Variants in GPSM2 observed in about 807,000 individuals in gnomAD.
GPSM2 encodes the protein G protein signaling modulator 2.
GPSM2 carries 58 observed loss-of-function variants against 78.4 expected under a neutral mutation model. The observed-to-expected ratio is 0.74, with a 90% CI of 0.60 to 0.92. The LOEUF (loss-of-function observed/expected upper bound fraction) is 0.92, where lower values mean the gene tolerates loss of function less well. Among genes scored for constraint, GPSM2 ranks in the 40% least tolerant of loss-of-function variants. The pLI, the probability that GPSM2 is intolerant of heterozygous loss-of-function variation, is 0.00. For missense variants in GPSM2, 700 were observed against 815.5 expected (o/e 0.86, Z 1.73); for synonymous variants, 224 against 280.2 (o/e 0.80, Z 2.00).
chr1:108,887,765 C>A (rs982751285), intron 2 of GPSM2, among the ~76,000 whole-genome samples: 1 of 152,160 alleles, frequency 6.6e-6, no homozygotes, highest in African/African-American at 2.4e-5. Flanking sequence ...TGCAGCCTAC[C>A]CCCATCCGTG....
chr1:108,933,608 C>T lies in GPSM2; in HGVS notation c.*3668C>T, dbSNP rs939506665. 4 of 152,342 alleles carry T rather than the reference C, an allele frequency of 2.6e-5. No individual in the cohort carries two copies. Among genetic ancestry groups the T allele is most frequent in the Admixed American group, 6.5e-5 (1 of 15,304 alleles). 9.4% of individuals were successfully genotyped at this position (152,342 alleles called of 1,614,324 possible). The stretch of plus-strand genomic sequence containing the variant: ...GTATCACTTTTAGTAAGCAGTTGAA[C>T]ATAACTTGTAGTGTGAATATGGTTA... On this transcript the variant is annotated 3_prime_UTR_variant, in exon 15 of 15. Coordinates refer to ENST00000264126, the MANE Select transcript of GPSM2 (RefSeq NM_013296.5).
At chr1:108,900,536 G>A (rs907322647) in intron 7 of GPSM2, among the ~76,000 whole-genome samples, 2 of 152,132 alleles carry the variant, frequency 1.3e-5, no homozygotes, top group African/African-American at 4.8e-5. Context: ...ACCACACCCA[G>A]CCTGGAATTG....
intron 11 of GPSM2, among the ~76,000 whole-genome samples, chr1:108,918,356 CCTTG>C (rs1650439760): frequency 6.6e-6 from 1 of 152,064 alleles, no homozygotes; most frequent in African/African-American, 2.4e-5. Flanking sequence ...TTTTGGTAAA[CCTTG>C]CTTTCTTATT....
intron 1 of GPSM2, among the ~76,000 whole-genome samples, chr1:108,878,395 T>C (rs1279567887): frequency 6.6e-6 from 1 of 152,092 alleles, no homozygotes; most frequent in East Asian, 1.9e-4. Flanking sequence ...AAGTAAAAAG[T>C]TGTGTGATGT....
intron 11 of GPSM2, among the ~76,000 whole-genome samples, chr1:108,917,616 ATATATATAT>A (rs1650349010): frequency 2.6e-4 from 1 of 3,900 alleles, no homozygotes; most frequent in Admixed American, 2.0e-3. Context: ...ACACACATAT[ATATATATAT>A]ATATATATAT....
At chr1:108,904,385 G>A in intron 10 of GPSM2, 131 bp downstream of exon 10, 1 of 464,358 alleles carries the variant, frequency 2.2e-6, no homozygotes, top group Non-Finnish European at 3.9e-6. Context: ...CTTTTTTGCT[G>A]TACACAGCTC....
chr1:108,906,972 A>G (rs180806606), intron 10 of GPSM2, among the ~76,000 whole-genome samples: 7 of 152,276 alleles, frequency 4.6e-5, no homozygotes, highest in Middle Eastern at 6.8e-3. Flanking sequence ...CTCCTTTAGA[A>G]TATACGTCGT....
Position 108,930,062 on chromosome 1 carries a change from A to G in GPSM2, c.*122A>G, listed in dbSNP as rs1651659027. On this transcript the variant is annotated 3_prime_UTR_variant, in exon 15 of 15. Transcript: ENST00000264126. The stretch of plus-strand genomic sequence containing the variant: ...TTAAAATATTTTTAGAATGATGTAA[A>G]TAGTTAACCTTCAGTAGTCTATTAA... The G allele has an allele frequency of 2.2e-6, 2 of 917,294 alleles. No homozygotes were observed. The highest frequency in any genetic ancestry group is 3.3e-6 in the Non-Finnish European group (2 of 598,462). The allele number at this position is 917,294 out of a possible 1,614,324, so 56.8% of individuals were successfully genotyped here.
intron 7 of GPSM2, among the ~76,000 whole-genome samples, chr1:108,899,474 C>G (rs1017821301): frequency 2.6e-5 from 4 of 152,186 alleles, no homozygotes; most frequent in African/African-American, 9.7e-5. Flanking sequence ...CCTTCCCACC[C>G]TCTTATTGAG....
intron 10 of GPSM2, among the ~76,000 whole-genome samples, chr1:108,910,649 G>A (rs916352230): frequency 6.6e-6 from 1 of 152,100 alleles, no homozygotes; most frequent in Non-Finnish European, 1.5e-5. Context: ...CGGATCATGA[G>A]GTCAGGAGTT....
chr1:108,928,526 G>A (rs997818150), intron 14 of GPSM2, among the ~76,000 whole-genome samples: 2 of 152,166 alleles, frequency 1.3e-5, no homozygotes, highest in African/African-American at 4.8e-5. Flanking sequence ...AAATGTTCAG[G>A]GATCTATGTC....
intron 14 of GPSM2, chr1:108,929,364 C>T: frequency 3.2e-6 from 1 of 308,894 alleles, no homozygotes; most frequent in South Asian, 3.3e-5. Context: ...CTTGAACTGT[C>T]ATACTTAGAT....
intron 7 of GPSM2, among the ~76,000 whole-genome samples, chr1:108,900,131 A>C (rs1648669936): frequency 6.6e-6 from 1 of 152,160 alleles, no homozygotes. Flanking sequence ...AATATAAAGT[A>C]ATGAAACTTA....
chr1:108,897,373 T>C (rs1648449099), intron 3 of GPSM2, 119 bp from the exon 4 acceptor site: 1 of 957,286 alleles, frequency 1.0e-6, no homozygotes, highest in East Asian at 2.6e-5. Context: ...GGGTTTTTCT[T>C]ACCTTAAGCA....
In GPSM2 at chr1:108,922,559, C is replaced by T; in HGVS notation, c.1583C>T (p.Pro528Leu). 6.2e-7 allele frequency: 1 copy of T among 1,612,394 alleles called. No individual in the cohort carries two copies. Among genetic ancestry groups the T allele is most frequent in the Non-Finnish European group, 8.5e-7 (1 of 1,178,582 alleles). Residue 528 changes from proline to leucine, a missense_variant, in exon 13 of 15, where the codon CCT becomes CTT. Transcript: ENST00000264126. ...TASTTTSSTP[P>L]KMMLKTSSVP... ...TCAACAACAACTTCTTCCACTCCCC[C>T]TAAAATGATGCTAAAAAGTAAGTCA...
chr1:108,887,247 A>AT lies in GPSM2; in HGVS notation c.56+1678dup, dbSNP rs201347203. Among the ~76,000 whole-genome samples the AT allele has an allele frequency of 9.9e-3, 1,504 of 151,894 alleles. 21 individuals are homozygous for AT. The highest frequency in any genetic ancestry group is 0.034 in the African/African-American group (1,425 of 41,454). On this transcript the variant is annotated intron_variant, in intron 2 of 14. Coordinates refer to ENST00000264126, the MANE Select transcript of GPSM2 (RefSeq NM_013296.5). ...TCTGAAATGTTGGCAGCTAATGCAAATTTTTTTTTAAAAATGTGGGTTGAA... is the reference window on the plus strand; with the variant it reads ...TCTGAAATGTTGGCAGCTAATGCAAATTTTTTTTTTAAAAATGTGGGTTGAA...
intron 11 of GPSM2, 89 bp downstream of exon 11, chr1:108,914,497 C>A: frequency 1.0e-6 from 1 of 987,970 alleles, no homozygotes; most frequent in Non-Finnish European, 1.6e-6. Context: ...TTAAATAAGG[C>A]TTGCCCTATA....
chr1:108,915,467 G>A (rs2101509480), intron 11 of GPSM2, among the ~76,000 whole-genome samples: 1 of 148,682 alleles, frequency 6.7e-6, no homozygotes, highest in African/African-American at 2.5e-5. Flanking sequence ...TCGCTCTTTG[G>A]CCAGGCTGGA....
Position 108,917,628 on chromosome 1 carries a change from AT to A in GPSM2, c.1264-984del, listed in dbSNP as rs1557875637. ...CACACACACATATATATATATATATATATATATATATATATATATATATATA... is the reference window on the plus strand; with the variant it reads ...CACACACACATATATATATATATATAATATATATATATATATATATATATA... On this transcript the variant is annotated intron_variant, in intron 11 of 14. Transcript: ENST00000264126. Among the ~76,000 whole-genome samples the A allele has an allele frequency of 5.0e-3, 75 of 15,118 alleles. 8 individuals are homozygous for A. The highest frequency in any genetic ancestry group is 0.018 in the African/African-American group (43 of 2,410). The allele number at this position is 15,118 out of a possible 152,430, so 9.9% of individuals were successfully genotyped here.
Sources: gnomAD v4.1 joint callset for allele counts (sites outside exome capture counted in the v4.1 genomes callset) on GRCh38, gnomAD v4.1.1 for gene constraint, MANE v1.5 for transcripts, NCBI Gene and HGNC (gene_info 2026-07-23, HGNC 2026-07-21) for gene names.